The following KALRN variants were observed in gnomAD, a reference collection of about 807,000 sequenced individuals.
KALRN encodes kalirin RhoGEF kinase.
In KALRN, 70 loss-of-function variants were observed where a neutral mutation model predicts 353.7. That is an observed-to-expected ratio of 0.20 (90% CI 0.16 to 0.24). The LOEUF (loss-of-function observed/expected upper bound fraction) is 0.24. Among genes scored for constraint, KALRN ranks in the 10% least tolerant of loss-of-function variants. The pLI, the probability that KALRN is intolerant of heterozygous loss-of-function variation, is 1.00. For missense variants in KALRN, 2,791 were observed against 3,756.7 expected, an observed-to-expected ratio of 0.74 and a Z score of 6.72; for synonymous variants, 1,391 against 1,434.8, an observed-to-expected ratio of 0.97 and a Z score of 0.69.
intron 19 of KALRN, among the ~76,000 whole-genome samples, chr3:124,445,010 T>C (rs1238623010): frequency 2.0e-5 from 3 of 152,176 alleles, no homozygotes; most frequent in South Asian, 2.1e-4. Context: ...TCGTAAAGCA[T>C]AGAAAGTTGT....
At chr3:124,228,110 G>A (rs375813825) in intron 2 of KALRN, 46 bp downstream of exon 2, 14 of 1,446,880 alleles carry the variant, frequency 9.7e-6, no homozygotes, top group Non-Finnish European at 1.3e-5. Flanking sequence ...TAGAGAAGTT[G>A]TGTGTGTGCA....
chr3:124,133,377 A>G (rs2065540397), intron 1 of KALRN, among the ~76,000 whole-genome samples: 2 of 152,224 alleles, frequency 1.3e-5, no homozygotes, highest in South Asian at 2.1e-4. Context: ...CTATTAAGTA[A>G]TGAAACAGTT....
At chr3:124,226,724 G>A (rs1342289158) in intron 1 of KALRN, among the ~76,000 whole-genome samples, 1 of 152,160 alleles carries the variant, frequency 6.6e-6, no homozygotes, top group Non-Finnish European at 1.5e-5. Flanking sequence ...AAAATTCCCG[G>A]ATGGGTTTCT....
At chr3:124,389,420 T>G (rs1167385028) in intron 11 of KALRN, among the ~76,000 whole-genome samples, 3 of 152,174 alleles carry the variant, frequency 2.0e-5, no homozygotes, top group Non-Finnish European at 4.4e-5. Flanking sequence ...GAGGAAGATA[T>G]AAAAAGATAA....
intron 10 of KALRN, among the ~76,000 whole-genome samples, chr3:124,379,247 TTTC>T (rs1467739906): frequency 6.6e-6 from 1 of 152,164 alleles, no homozygotes; most frequent in African/African-American, 2.4e-5. Context: ...AATTTTTTTA[TTTC>T]TTAACTATCT....
intron 34 of KALRN, among the ~76,000 whole-genome samples, chr3:124,594,914 G>A (rs1441537269): frequency 6.6e-6 from 1 of 151,698 alleles, no homozygotes; most frequent in Non-Finnish European, 1.5e-5. Context: ...TCACTGAGCA[G>A]GTCCAGGGAT....
At chr3:124,653,098 C>A (rs1242550341) in intron 38 of KALRN, among the ~76,000 whole-genome samples, 1 of 152,154 alleles carries the variant, frequency 6.6e-6, no homozygotes, top group Non-Finnish European at 1.5e-5. Context: ...TATATCTCAT[C>A]CTTATTCTCT....
chr3:124,390,881 T>G (rs2089264644), intron 11 of KALRN, among the ~76,000 whole-genome samples: 1 of 152,124 alleles, frequency 6.6e-6, no homozygotes, highest in Non-Finnish European at 1.5e-5. Context: ...TCCTGTCTTT[T>G]TCAGTTGCCG....
intron 33 of KALRN, chr3:124,504,691 A>C: frequency 2.6e-6 from 1 of 381,406 alleles, no homozygotes; most frequent in Non-Finnish European, 5.4e-6. Flanking sequence ...CCTAGACAGA[A>C]TCTTCCAGCC....
At chr3:124,493,586 A>T (rs1003287801) in intron 32 of KALRN, among the ~76,000 whole-genome samples, 11 of 152,294 alleles carry the variant, frequency 7.2e-5, no homozygotes, top group African/African-American at 2.6e-4. Context: ...AGAAAAAAAA[A>T]TGGGGTTCTA....
chr3:124,346,372 G>A lies in KALRN; in HGVS notation c.1648-771G>A, dbSNP rs962140101. ...CTCTCTCTCACCCCTCTATTGCCCA[G>A]GGGTCTCTGTTCCAGTGTCTCTAAA... On this transcript the variant is annotated intron_variant, in intron 9 of 59. Coordinates refer to ENST00000682506, the MANE Select transcript of KALRN (RefSeq NM_001388419.1). Among the ~76,000 whole-genome samples, 6 of 152,100 alleles carry A rather than the reference G, an allele frequency of 3.9e-5. No homozygotes were observed. The South Asian group carries it at 1.0e-3, about 26-fold the overall frequency.
At chr3:124,413,712 A>G in intron 14 of KALRN, 47 bp downstream of exon 14, 1 of 1,492,958 alleles carries the variant, frequency 6.7e-7, no homozygotes, top group East Asian at 2.3e-5. Context: ...GATGAAAACA[A>G]GCATACCATC....
chr3:124,469,419 C>T (rs891274721), intron 25 of KALRN, among the ~76,000 whole-genome samples: 3 of 152,222 alleles, frequency 2.0e-5, no homozygotes, highest in African/African-American at 4.8e-5. Flanking sequence ...CAGCACCTTT[C>T]CCTGAGTGTA....
intron 1 of KALRN, among the ~76,000 whole-genome samples, chr3:124,090,632 C>T (rs140500718): frequency 6.6e-6 from 1 of 152,278 alleles, no homozygotes; most frequent in Non-Finnish European, 1.5e-5. Context: ...CAGAATCTCC[C>T]TCCCTATTGG....
Position 124,342,886 on chromosome 3 carries a change from T to A in KALRN, c.1648-4257T>A, listed in dbSNP as rs1366362950. Among the ~76,000 whole-genome samples, 5 of 152,230 alleles carry A rather than the reference T, an allele frequency of 3.3e-5. No individual in the cohort carries two copies. In the East Asian group the frequency reaches 7.7e-4, roughly 23 times the overall value. On this transcript the variant is annotated intron_variant, in intron 9 of 59. Transcript: ENST00000682506. ...AAATATGTTATGTCTGTGCTACCCC[T>A]TATAACTCATTCACTCCTGTACCAG...
intron 2 of KALRN, among the ~76,000 whole-genome samples, chr3:124,234,483 A>G (rs1560309089): frequency 6.6e-6 from 1 of 152,210 alleles, no homozygotes; most frequent in Non-Finnish European, 1.5e-5. Context: ...CAATAAGAAC[A>G]GTTATCACCA....
chr3:124,525,870 C>T lies in KALRN; in HGVS notation c.4935+29457C>T, dbSNP rs184548064. On this transcript the variant is annotated intron_variant, in intron 33 of 59. Transcript: ENST00000682506. Reference sequence around the variant, plus strand: ...GCCAACACAGTACTCTCTGTCTACCCTGCAAAGCCACATAGGCAGGCTTGG... The same window carrying T: ...GCCAACACAGTACTCTCTGTCTACCTTGCAAAGCCACATAGGCAGGCTTGG... Among the ~76,000 whole-genome samples the T allele has an allele frequency of 2.0e-5, 3 of 152,098 alleles. No individual in the cohort carries two copies. In the East Asian group the frequency reaches 5.8e-4, roughly 29 times the overall value.
intron 57 of KALRN, among the ~76,000 whole-genome samples, chr3:124,704,735 A>T (rs6806199): frequency 0.14 from 20,555 of 152,002 alleles, 1,577 homozygotes; most frequent in African/African-American, 0.2. Flanking sequence ...TTTTTTGTAG[A>T]TACGGTATTT....
intron 10 of KALRN, among the ~76,000 whole-genome samples, chr3:124,364,016 C>T (rs1312716660): frequency 6.6e-6 from 1 of 152,184 alleles, no homozygotes; most frequent in African/African-American, 2.4e-5. Context: ...AGTGTTGCCC[C>T]ACTTCAAGAC....
Sources: allele counts gnomAD v4.1 joint callset (sites outside exome capture counted in the v4.1 genomes callset), GRCh38; gene constraint gnomAD v4.1.1; transcripts MANE v1.5; gene names NCBI Gene and HGNC (gene_info 2026-07-23, HGNC 2026-07-21).